Variants in FRMD5 observed in about 807,000 individuals in gnomAD.
The protein encoded by FRMD5 is FERM domain-containing protein 5.
Under a neutral mutation model 69.0 loss-of-function variants are expected in FRMD5, and 20 were observed. The observed-to-expected ratio is 0.29, with a 90% confidence interval of 0.20 to 0.42. The LOEUF is 0.42. FRMD5 is among the 10% of genes least tolerant of loss of function. The pLI is 1.00. For missense variants in FRMD5, 595 were observed against 708.6 expected (o/e 0.84, Z 1.82); for synonymous variants, 271 against 260.1 (o/e 1.04, Z -0.40).
chr15:44,154,273 A>C (rs2077492318), intron 1 of FRMD5, among the ~76,000 whole-genome samples: 1 of 152,134 alleles, frequency 6.6e-6, no homozygotes, highest in South Asian at 2.1e-4. Flanking sequence ...GCAGTGAGCC[A>C]TGATTGCACT....
intron 1 of FRMD5, among the ~76,000 whole-genome samples, chr15:44,180,164 A>G (rs1016042404): frequency 1.3e-5 from 2 of 152,118 alleles, no homozygotes; most frequent in Non-Finnish European, 2.9e-5. Flanking sequence ...TGGGACATTA[A>G]GTTATTTCAC....
At chr15:44,115,973 G>T (rs1052305031) in intron 1 of FRMD5, among the ~76,000 whole-genome samples, 1 of 152,106 alleles carries the variant, frequency 6.6e-6, no homozygotes, top group Admixed American at 6.5e-5. Context: ...ACTGATCAAA[G>T]CAACTAATGT....
chr15:44,072,591 T>C (rs1893588208), intron 1 of FRMD5, among the ~76,000 whole-genome samples: 1 of 152,204 alleles, frequency 6.6e-6, no homozygotes, highest in African/African-American at 2.4e-5. Context: ...AGCCTTCCAG[T>C]GGAAAGTTCT....
chr15:44,153,201 T>C (rs940791107), intron 1 of FRMD5, among the ~76,000 whole-genome samples: 1 of 152,194 alleles, frequency 6.6e-6, no homozygotes, highest in Non-Finnish European at 1.5e-5. Context: ...CCAGCAATTC[T>C]ATCTCTGGGT....
At chr15:44,161,205 C>T (rs1215193425) in intron 1 of FRMD5, among the ~76,000 whole-genome samples, 1 of 152,118 alleles carries the variant, frequency 6.6e-6, no homozygotes, top group African/African-American at 2.4e-5. Context: ...CCCACAGCTC[C>T]CTCAATTTCT....
chr15:43,970,534 A>G (rs905831050), intron 1 of FRMD5, among the ~76,000 whole-genome samples: 14 of 152,140 alleles, frequency 9.2e-5, no homozygotes, highest in Non-Finnish European at 1.8e-4. Flanking sequence ...CAGTGGTATG[A>G]TCTTGGCTCA....
At chr15:44,117,991 C>CTTTTTTTTTTTTTTTTTTTTTTTTTT (rs747747488) in intron 1 of FRMD5, among the ~76,000 whole-genome samples, 1 of 92,656 alleles carries the variant, frequency 1.1e-5, no homozygotes, top group African/African-American at 4.6e-5. Flanking sequence ...TTCTTTTTTA[C>CTTTTTTTTTTTTTTTTTTTTTTTTTT]TTTTTTTTTT....
chr15:44,054,712 T>C (rs573001553), intron 1 of FRMD5, among the ~76,000 whole-genome samples: 9 of 152,236 alleles, frequency 5.9e-5, no homozygotes, highest in East Asian at 1.9e-4. Context: ...GTGAGTGATA[T>C]GTCAGTTTTC....
At chr15:43,897,300 C>A (rs2088933623) in intron 7 of FRMD5, among the ~76,000 whole-genome samples, 1 of 151,710 alleles carries the variant, frequency 6.6e-6, no homozygotes, top group African/African-American at 2.4e-5. Context: ...CAAGCCTGGC[C>A]AACATGGTGA....
At chr15:43,910,572 C>CA (rs1167867396) in intron 4 of FRMD5, among the ~76,000 whole-genome samples, 4,730 of 39,824 alleles carry the variant, frequency 0.12, 550 homozygotes, top group African/African-American at 0.18. Flanking sequence ...GACCTTGTCT[C>CA]AAAAAAAAAA....
chr15:43,878,793 G>A (rs1045622907), intron 13 of FRMD5, among the ~76,000 whole-genome samples: 4 of 152,172 alleles, frequency 2.6e-5, no homozygotes, highest in African/African-American at 7.2e-5. Flanking sequence ...TCAGCTTGTG[G>A]GGAAGGAGAG....
At chr15:43,888,679 G>A (rs951603952) in intron 9 of FRMD5, 130 bp downstream of exon 9, 65 of 740,956 alleles carry the variant, frequency 8.8e-5, no homozygotes, top group Admixed American at 4.6e-4. Flanking sequence ...GTACCTCCAG[G>A]TCCTGACCTT....
At chr15:43,949,570 A>G (rs1289776100) in intron 1 of FRMD5, among the ~76,000 whole-genome samples, 1 of 152,180 alleles carries the variant, frequency 6.6e-6, no homozygotes, top group African/African-American at 2.4e-5. Context: ...CTTGGTAGCA[A>G]CTACAGGATG....
intron 1 of FRMD5, among the ~76,000 whole-genome samples, chr15:43,961,851 A>T (rs948299358): frequency 6.6e-5 from 10 of 152,226 alleles, no homozygotes; most frequent in African/African-American, 2.4e-4. Flanking sequence ...ACAAAATTCA[A>T]CAACCCTTCA....
intron 1 of FRMD5, among the ~76,000 whole-genome samples, chr15:44,095,100 CAT>C (rs2076531974): frequency 6.6e-6 from 1 of 151,946 alleles, no homozygotes; most frequent in Non-Finnish European, 1.5e-5. Context: ...CATTTGAAAA[CAT>C]ACAGATTCCA....
chr15:44,181,042 C>A (rs1031461981), intron 1 of FRMD5, among the ~76,000 whole-genome samples: 3 of 151,912 alleles, frequency 2.0e-5, no homozygotes. Context: ...CTAATTTAAT[C>A]ACTTTTTTTA....
intron 2 of FRMD5, among the ~76,000 whole-genome samples, chr15:43,920,723 A>C (rs1218349672): frequency 4.6e-5 from 7 of 152,238 alleles, no homozygotes. Flanking sequence ...CAGAACTGTC[A>C]GTCTCGTTTA....
intron 1 of FRMD5, among the ~76,000 whole-genome samples, chr15:43,963,800 G>T (rs1051896754): frequency 3.3e-5 from 5 of 152,206 alleles, no homozygotes; most frequent in Admixed American, 3.3e-4. Context: ...GCAAACTATT[G>T]CAAGGACAAA....
At chr15:44,021,590 C>G (rs1165044457) in intron 1 of FRMD5, among the ~76,000 whole-genome samples, 1 of 152,096 alleles carries the variant, frequency 6.6e-6, no homozygotes, top group Non-Finnish European at 1.5e-5. Flanking sequence ...AAATGCAAAT[C>G]AAAACCACAA....
Sources: gnomAD v4.1 joint callset for allele counts (sites outside exome capture counted in the v4.1 genomes callset) on GRCh38, gnomAD v4.1.1 for gene constraint, MANE v1.5 for transcripts, NCBI Gene and HGNC (gene_info 2026-07-23, HGNC 2026-07-21) for gene names.